Variants in ZNF438 observed in about 807,000 individuals in gnomAD.
ZNF438 encodes zinc finger protein 438.
In ZNF438, 25 loss-of-function variants were observed where a neutral mutation model predicts 38.0. The ratio of observed to expected loss-of-function variants is 0.66; its 90% CI spans 0.48 to 0.92. The LOEUF is 0.92. Among genes scored for constraint, ZNF438 ranks in the 40% least tolerant of loss-of-function variants. The pLI, the probability that ZNF438 is intolerant of heterozygous loss-of-function variation, is 0.00. For missense variants in ZNF438, 1,007 were observed against 999.6 expected (o/e 1.01, Z -0.10); for synonymous variants, 372 against 364.1 (o/e 1.02, Z -0.25).
intron 5 of ZNF438, among the ~76,000 whole-genome samples, chr10:30,847,044 C>T (rs7096299): frequency 0.38 from 58,150 of 151,908 alleles, 11,395 homozygotes; most frequent in Admixed American, 0.41. Context: ...CAGGACAGCT[C>T]GGTGCCAGCC....
chr10:30,874,103 GGT>G (rs754046244), intron 4 of ZNF438, among the ~76,000 whole-genome samples: 5 of 16,816 alleles, frequency 3.0e-4, no homozygotes, highest in Non-Finnish European at 5.8e-4. Flanking sequence ...GGTGTGTGGG[GGT>G]GTGTGTGTGT....
intron 1 of ZNF438, among the ~76,000 whole-genome samples, chr10:31,025,446 C>G (rs976909949): frequency 1.6e-4 from 25 of 152,188 alleles, no homozygotes; most frequent in Non-Finnish European, 3.1e-4. Flanking sequence ...AAAAATCATT[C>G]TGAGTTCAGA....
intron 2 of ZNF438, among the ~76,000 whole-genome samples, chr10:30,928,629 A>T (rs1312076720): frequency 2.0e-5 from 3 of 150,752 alleles, no homozygotes; most frequent in Non-Finnish European, 4.4e-5. Flanking sequence ...TAAAAGTCTT[A>T]TTTGTTCTTA....
intron 3 of ZNF438, among the ~76,000 whole-genome samples, chr10:30,881,249 A>C (rs1254255492): frequency 6.6e-6 from 1 of 152,166 alleles, no homozygotes; most frequent in Non-Finnish European, 1.5e-5. Flanking sequence ...TAGAATCTAC[A>C]AAAAAAGCTC....
intron 2 of ZNF438, among the ~76,000 whole-genome samples, chr10:30,914,007 C>T (rs189076498): frequency 6.6e-6 from 1 of 152,032 alleles, no homozygotes. Flanking sequence ...GTCCTAAACA[C>T]GTTTTAAACT....
chr10:30,854,300 C>T (rs547806281), intron 4 of ZNF438, among the ~76,000 whole-genome samples: 69 of 152,220 alleles, frequency 4.5e-4, no homozygotes, highest in Admixed American at 1.8e-3. Context: ...GGTGACAGAG[C>T]GAGACTCCAT....
intron 4 of ZNF438, among the ~76,000 whole-genome samples, chr10:30,863,191 T>C (rs1024903879): frequency 1.3e-5 from 2 of 152,244 alleles, no homozygotes; most frequent in Admixed American, 6.5e-5. Flanking sequence ...CCCTAACATT[T>C]CTGCTGGTAA....
Position 30,973,632 on chromosome 10 carries a change from T to C in ZNF438, c.-191-31981A>G, listed in dbSNP as rs1373223179. ...ACAACTCTCTCCCACCCCCGGAAGC[T>C]CTTGATAGAGAGGGAAATAAAACTT... On this transcript the variant is annotated intron_variant, in intron 1 of 5. Coordinates refer to ENST00000413025, the Ensembl canonical transcript of ZNF438. Among the ~76,000 whole-genome samples the C allele has an allele frequency of 9.2e-5, 14 of 152,280 alleles. No individual in the cohort carries two copies. The South Asian group carries it at 2.9e-3, about 32-fold the overall frequency.
chr10:30,850,463 G>C, intron 4 of ZNF438, 96 bp from the exon 6 acceptor site: 1 of 1,392,164 alleles, frequency 7.2e-7, no homozygotes, highest in Non-Finnish European at 9.5e-7. Context: ...GCCCAGAACA[G>C]ATTCCTTGAC....
At chr10:30,845,001 T>C (rs1242928362) in exon 6 of ZNF438, 1 of 1,614,190 alleles carries the variant, frequency 6.2e-7, no homozygotes, top group Non-Finnish European at 8.5e-7. Context: ...CACTCCCTGG[T>C]TGGAGACCGT....
intron 4 of ZNF438, among the ~76,000 whole-genome samples, chr10:30,858,024 T>C (rs2034964325): frequency 6.6e-6 from 1 of 152,242 alleles, no homozygotes; most frequent in Non-Finnish European, 1.5e-5. Context: ...CCTCTTCTGG[T>C]CGCTGGTTTG....
intron 1 of ZNF438, among the ~76,000 whole-genome samples, chr10:30,980,024 G>A (rs1037893017): frequency 2.0e-5 from 3 of 152,144 alleles, no homozygotes; most frequent in African/African-American, 7.2e-5. Context: ...TTGGAGTGAG[G>A]GGTGTGGGAT....
intron 1 of ZNF438, among the ~76,000 whole-genome samples, chr10:30,947,364 T>C (rs1265116488): frequency 1.3e-5 from 2 of 152,270 alleles, no homozygotes; most frequent in Non-Finnish European, 2.9e-5. Context: ...TAGAGAACCA[T>C]AACAGAATCT....
At chr10:30,971,347 G>T (rs1186664138) in intron 1 of ZNF438, among the ~76,000 whole-genome samples, 1 of 152,122 alleles carries the variant, frequency 6.6e-6, no homozygotes, top group Non-Finnish European at 1.5e-5. Flanking sequence ...TATTTAAAAT[G>T]AACCAGCAAT....
intron 1 of ZNF438, among the ~76,000 whole-genome samples, chr10:31,013,864 T>A (rs941932994): frequency 1.3e-5 from 2 of 152,180 alleles, no homozygotes; most frequent in African/African-American, 4.8e-5. Flanking sequence ...CACTTCCTAT[T>A]TGCCTCTTTT....
chr10:30,901,323 T>G (rs2041953038), intron 3 of ZNF438, among the ~76,000 whole-genome samples: 1 of 152,254 alleles, frequency 6.6e-6, no homozygotes, highest in South Asian at 2.1e-4. Context: ...TGGCTTTGTG[T>G]CCGGAATTGG....
chr10:30,881,009 T>C (rs78519305), intron 3 of ZNF438, among the ~76,000 whole-genome samples: 1,747 of 152,294 alleles, frequency 0.011, 39 homozygotes, highest in African/African-American at 0.04. Flanking sequence ...ACACATCTTA[T>C]GAGAAACCTA....
chr10:31,029,076 G>C (rs2057119051), intron 1 of ZNF438, among the ~76,000 whole-genome samples: 1 of 152,172 alleles, frequency 6.6e-6, no homozygotes, highest in Non-Finnish European at 1.5e-5. Context: ...TGTTCACTCG[G>C]AGGTGGTTAC....
At chr10:30,952,205 A>C (rs2048295644) in intron 1 of ZNF438, among the ~76,000 whole-genome samples, 1 of 151,556 alleles carries the variant, frequency 6.6e-6, no homozygotes, top group African/African-American at 2.4e-5. Context: ...CATATGTAGA[A>C]AGCTGAAACT....
Sources: allele counts gnomAD v4.1 joint callset (sites outside exome capture counted in the v4.1 genomes callset), GRCh38; gene constraint gnomAD v4.1.1; transcripts MANE v1.5; gene names NCBI Gene and HGNC (gene_info 2026-07-23, HGNC 2026-07-21).